KANTR: variants seen among roughly 807,000 people sequenced by gnomAD.
KANTR encodes KANTR integral membrane protein.
At chrX:53,110,998 CTTT>C (rs1933031253) in intron 2 of KANTR, among the ~76,000 whole-genome samples, 2 of 108,559 alleles carry the variant, frequency 1.8e-5, no homozygotes, top group African/African-American at 6.7e-5. Flanking sequence ...GATATTACTT[CTTT>C]ATTTTATAAA....
intron 1 of KANTR, among the ~76,000 whole-genome samples, chrX:53,097,288 C>T (rs1556811014): frequency 9.2e-6 from 1 of 108,452 alleles, no homozygotes; most frequent in African/African-American, 3.3e-5. Context: ...GGTATGCTTG[C>T]TCCTAGTTAC....
rs1043399244 is a variant in KANTR at position 53,134,207 on chromosome X, C to A, written n.204-7641C>A. Among the ~76,000 whole-genome samples the A allele has an allele frequency of 4.5e-5, 5 of 110,694 alleles. No homozygotes were observed. The Admixed American group carries it at 4.8e-4, about 11-fold the overall frequency. On this transcript the variant is annotated intron_variant and non_coding_transcript_variant, in intron 2 of 2. Coordinates refer to the KANTR transcript ENST00000366185. ...AGAAATCCCGTATCTACTAAAAATA[C>A]AAAAATTAGCCGGACGTGGTGGCAT...
chrX:53,136,847 A>G (rs1356986970), intron 2 of KANTR, among the ~76,000 whole-genome samples: 1 of 91,751 alleles, frequency 1.1e-5, no homozygotes, highest in Non-Finnish European at 2.2e-5. Flanking sequence ...AGGTTCAAAC[A>G]ATTCTCCTGG....
chrX:53,137,891 A>G (rs782258576), intron 2 of KANTR, among the ~76,000 whole-genome samples: 1 of 108,081 alleles, frequency 9.3e-6, no homozygotes, highest in South Asian at 4.0e-4. Flanking sequence ...TGCCTGGCCT[A>G]TATCTTGGTT....
chrX:53,139,362 G>A (rs1207336078), intron 2 of KANTR, among the ~76,000 whole-genome samples: 1 of 112,198 alleles, frequency 8.9e-6, no homozygotes, highest in Non-Finnish European at 1.9e-5. Flanking sequence ...TAATCCATAT[G>A]CTGAAGAGAT....
chrX:53,135,700 C>T (rs1215758056), intron 2 of KANTR, among the ~76,000 whole-genome samples: 4 of 111,958 alleles, frequency 3.6e-5, no homozygotes, highest in African/African-American at 1.3e-4. Flanking sequence ...CAGACCTCCC[C>T]ATGCCATTTG....
chrX:53,104,525 C>G (rs977249231), intron 2 of KANTR, among the ~76,000 whole-genome samples: 7 of 110,902 alleles, frequency 6.3e-5, no homozygotes, highest in Non-Finnish European at 1.1e-4. Context: ...CCCCCCGACC[C>G]CCACCAAAGA....
intron 2 of KANTR, among the ~76,000 whole-genome samples, chrX:53,137,769 C>CAA (rs61347731): frequency 6.8e-5 from 6 of 88,339 alleles, no homozygotes; most frequent in African/African-American, 1.2e-4. Context: ...AACTCCATCT[C>CAA]AAAAAAAAAA....
At chrX:53,105,854 C>CTTTT (rs1181859013) in intron 2 of KANTR, among the ~76,000 whole-genome samples, 12 of 72,065 alleles carry the variant, frequency 1.7e-4, no homozygotes, top group African/African-American at 3.4e-4. Flanking sequence ...ATGTTTTTTT[C>CTTTT]TTTTTTTTTT....
rs182546263 is a variant in KANTR, at chrX:53,122,116, A to G, written c.-804-1353A>G. On this transcript the variant is annotated intron_variant, in intron 2 of 2. Transcript: ENST00000604062. ...GCATTTTTATTTAATAATTTGAGTT[A>G]TAAATCTAATACTGTGTTCTTTGTT... 1.3e-4 allele frequency among the ~76,000 whole-genome samples: 15 copies of G among 112,679 alleles called. No individual in the cohort carries two copies. In the East Asian group the frequency reaches 4.2e-3, roughly 31 times the overall value.
At chrX:53,138,257 A>G (rs969915047) in intron 2 of KANTR, among the ~76,000 whole-genome samples, 18 of 107,825 alleles carry the variant, frequency 1.7e-4, no homozygotes, top group Non-Finnish European at 3.5e-4. Context: ...TAGTAGAGAC[A>G]AGGTTTCTCC....
chrX:53,110,626 C>T (rs1205193398), intron 2 of KANTR, among the ~76,000 whole-genome samples: 7 of 111,894 alleles, frequency 6.3e-5, no homozygotes, highest in Non-Finnish European at 1.1e-4. Context: ...GTAATGCTGG[C>T]CTCATAAAGA....
chrX:53,115,200 C>G (rs1168380189), intron 2 of KANTR, among the ~76,000 whole-genome samples: 1 of 111,599 alleles, frequency 9.0e-6, no homozygotes, highest in Non-Finnish European at 1.9e-5. Context: ...GTAGGTCAAC[C>G]TGGTTCTGGG....
rs1282935655 is a variant in KANTR, at chrX:53,138,775, G to A, written n.204-3073G>A. Among the ~76,000 whole-genome samples, 22 of 110,302 alleles carry A rather than the reference G, an allele frequency of 2.0e-4. No individual in the cohort carries two copies. The Admixed American group carries it at 2.1e-3, about 11-fold the overall frequency. ...AACAGACAAGTAGACCAATACAACA[G>A]CATAGATACAGACACCTGTATATAA... On this transcript the variant is annotated intron_variant and non_coding_transcript_variant, in intron 2 of 2. Coordinates refer to the KANTR transcript ENST00000366185.
chrX:53,125,974 AC>A (rs1213477677), exon 3 of KANTR: 1 of 109,256 alleles, frequency 9.2e-6, no homozygotes, highest in Non-Finnish European at 1.9e-5. Flanking sequence ...ATAGTTTGTT[AC>A]AGGTATTTTT....
chrX:53,135,248 T>C (rs890771215), intron 2 of KANTR, among the ~76,000 whole-genome samples: 2 of 112,135 alleles, frequency 1.8e-5, no homozygotes, highest in Non-Finnish European at 1.9e-5. Context: ...CCTCTGTAGC[T>C]TCAACACAAA....
intron 1 of KANTR, among the ~76,000 whole-genome samples, chrX:53,096,155 T>G (rs1185171419): frequency 9.0e-6 from 1 of 111,502 alleles, no homozygotes; most frequent in Non-Finnish European, 1.9e-5. Context: ...GTCTGTTCCA[T>G]GGTATTCTAC....
Position 53,100,025 on chromosome X carries a change from T to C in KANTR, c.-805+417T>C, listed in dbSNP as rs956616445. On this transcript the variant is annotated intron_variant, in intron 2 of 2. Coordinates refer to ENST00000604062, the Ensembl canonical transcript of KANTR. ...AAGGATCCTAGGATTTTCAGAATGG[T>C]AAAATGAACACTGGCTTCAAGTTAA... is the stretch of plus-strand genomic sequence containing the variant. 1.9e-4 allele frequency among the ~76,000 whole-genome samples: 21 copies of C among 112,249 alleles called. 1 individual carries two copies. Among genetic ancestry groups the C allele is most frequent in the Admixed American group, 1.6e-3 (17 of 10,514 alleles).
chrX:53,138,137 C>T (rs1202250450), intron 2 of KANTR, among the ~76,000 whole-genome samples: 2 of 109,517 alleles, frequency 1.8e-5, no homozygotes, highest in East Asian at 3.0e-4. Context: ...AGCGTGATCT[C>T]GGCTAACCAC....
Sources: gnomAD v4.1 joint callset for allele counts (sites outside exome capture counted in the v4.1 genomes callset) on GRCh38, gnomAD v4.1.1 for gene constraint, MANE v1.5 for transcripts, NCBI Gene and HGNC (gene_info 2026-07-23, HGNC 2026-07-21) for gene names.